Variants in GPR107 observed in about 807,000 individuals in gnomAD.
The protein encoded by GPR107 is G protein-coupled receptor 107, also known as protein GPR107.
In GPR107, 31 loss-of-function variants were observed where a neutral mutation model predicts 75.5. The ratio of observed to expected loss-of-function variants is 0.41; its 90% CI spans 0.31 to 0.55. The LOEUF (loss-of-function observed/expected upper bound fraction) is 0.55. GPR107 is among the 20% of genes least tolerant of loss of function. The pLI, the probability that GPR107 is intolerant of heterozygous loss-of-function variation, is 0.26. For missense variants in GPR107, 572 were observed against 665.7 expected (o/e 0.86, Z 1.55); for synonymous variants, 267 against 251.3 (o/e 1.06, Z -0.59).
At chr9:130,110,392 G>T (rs1032028485) in intron 14 of GPR107, 4 of 1,539,970 alleles carry the variant, frequency 2.6e-6, no homozygotes, top group Non-Finnish European at 3.5e-6. Flanking sequence ...GACCTCTTCA[G>T]CAGAGAGCGA....
chr9:130,075,782 C>CTA, intron 2 of GPR107, 33 bp downstream of exon 2: 9 of 871,770 alleles, frequency 1.0e-5, no homozygotes, highest in Non-Finnish European at 1.6e-5. Context: ...CAGGGGTTTA[C>CTA]TCTTTTTTTT....
At position 130,092,323 on chromosome 9, in the gene GPR107, A is replaced by G. The variant is rs140764313; in HGVS notation, c.805A>G (p.Met269Val). The G allele has an allele frequency of 1.5e-4, 243 of 1,608,708 alleles. No homozygotes were observed. The highest frequency in any genetic ancestry group is 9.0e-4 in the Admixed American group (54 of 59,992). The change falls in exon 9 of 18, where the codon ATG (methionine) becomes GTG (valine). Residue 269 changes from methionine (M) to valine (V), a missense_variant. Transcript: ENST00000347136. Reference sequence around the variant, plus strand: ...TCCTCTCCCCAAATTATACATCTCAATGGCCTTTTTCTTCTTTCTTTCTGG... The same window carrying G: ...TCCTCTCCCCAAATTATACATCTCAGTGGCCTTTTTCTTCTTTCTTTCTGG... The part of the protein sequence containing the change: ...EIPLPKLYIS[M>V]AFFFFLSGTI...
intron 1 of GPR107, among the ~76,000 whole-genome samples, chr9:130,073,155 AT>A (rs1233162124): frequency 6.6e-6 from 1 of 152,178 alleles, no homozygotes; most frequent in African/African-American, 2.4e-5. Context: ...TTACATGAAT[AT>A]GGCTGTGATT....
intron 1 of GPR107, among the ~76,000 whole-genome samples, chr9:130,065,278 C>T (rs1045542726): frequency 2.0e-4 from 31 of 151,382 alleles, no homozygotes; most frequent in Admixed American, 8.6e-4. Context: ...GGTGAAACCC[C>T]GTCTCTACTA....
intron 12 of GPR107, among the ~76,000 whole-genome samples, 185 bp downstream of exon 12, chr9:130,101,408 T>C (rs1394877649): frequency 2.6e-5 from 4 of 152,244 alleles, no homozygotes; most frequent in Non-Finnish European, 5.9e-5. Context: ...TGGGAGATGC[T>C]TGGGCATCAG....
At chr9:130,134,899 A>T in intron 17 of GPR107, 126 bp from the exon 18 acceptor site, 2 of 690,752 alleles carry the variant, frequency 2.9e-6, no homozygotes, top group South Asian at 3.1e-5. Context: ...CAGGAATCAC[A>T]CTTAGATTTT....
intron 14 of GPR107, 129 bp from the exon 15 acceptor site, chr9:130,124,786 T>A: frequency 1.6e-6 from 1 of 618,310 alleles, no homozygotes; most frequent in South Asian, 2.0e-5. Flanking sequence ...TCCAGATAGA[T>A]GGATGTGCCT....
At chr9:130,107,631 C>T in intron 14 of GPR107, 92 bp downstream of exon 14, 1 of 859,708 alleles carries the variant, frequency 1.2e-6, no homozygotes, top group Non-Finnish European at 2.0e-6. Context: ...CCTATGGTGT[C>T]AAGATGCTGT....
intron 1 of GPR107, among the ~76,000 whole-genome samples, chr9:130,072,049 G>A (rs1295325703): frequency 6.6e-6 from 1 of 151,636 alleles, no homozygotes; most frequent in Non-Finnish European, 1.5e-5. Flanking sequence ...CCGGCTCCCT[G>A]CAGCCTCTGC....
chr9:130,082,293 G>A (rs1830510293), intron 5 of GPR107, among the ~76,000 whole-genome samples: 1 of 152,124 alleles, frequency 6.6e-6, no homozygotes, highest in Non-Finnish European at 1.5e-5. Context: ...GCAGTTAAAA[G>A]CCACACAGAA....
intron 14 of GPR107, among the ~76,000 whole-genome samples, chr9:130,113,877 A>C (rs1026983897): frequency 6.6e-6 from 1 of 152,170 alleles, no homozygotes; most frequent in African/African-American, 2.4e-5. Context: ...GCCTACATCT[A>C]TCTGTATGGG....
rs1831650231 is a variant in GPR107 at position 130,125,394 on chromosome 9, T to A, written c.1356+430T>A. Among the ~76,000 whole-genome samples the A allele has an allele frequency of 2.9e-5, 4 of 136,032 alleles. No individual in the cohort carries two copies. The South Asian group carries it at 9.1e-4, about 31-fold the overall frequency. 89.2% of individuals were successfully genotyped at this position (136,032 alleles called of 152,430 possible). A position where few individuals can be genotyped will look rare whatever the true frequency, so the allele number is the denominator to read the frequency against. On this transcript the variant is annotated intron_variant, in intron 15 of 17. Coordinates refer to ENST00000347136, the MANE Select transcript of GPR107 (RefSeq NM_020960.5). ...CTGCGCCTGGCCAGTGTGGCTTGCT[T>A]TTTTGCTTTTTTTTTTTTTTTAAGA...
intron 14 of GPR107, among the ~76,000 whole-genome samples, chr9:130,121,069 C>T (rs1471493727): frequency 4.6e-5 from 7 of 152,130 alleles, no homozygotes; most frequent in East Asian, 1.9e-4. Context: ...CGATGGTGTG[C>T]GCCTGTAGTC....
chr9:130,090,733 A>G (rs917379086), intron 7 of GPR107, 143 bp from the exon 8 acceptor site: 4 of 490,678 alleles, frequency 8.2e-6, no homozygotes, highest in African/African-American at 8.0e-5. Context: ...ATTAATATTC[A>G]TAACTTATTT....
chr9:130,079,224 A>G (rs911757141), intron 4 of GPR107, among the ~76,000 whole-genome samples: 1 of 152,158 alleles, frequency 6.6e-6, no homozygotes, highest in Non-Finnish European at 1.5e-5. Flanking sequence ...CAGCCTCCCA[A>G]AGTGCTGAGA....
intron 5 of GPR107, among the ~76,000 whole-genome samples, chr9:130,081,025 A>G (rs557872484): frequency 9.9e-5 from 15 of 150,958 alleles, no homozygotes; most frequent in African/African-American, 3.4e-4. Context: ...CCTGAGCAAC[A>G]TAGCGAGGCC....
chr9:130,124,575 G>C (rs938537700), intron 14 of GPR107, among the ~76,000 whole-genome samples: 3 of 152,136 alleles, frequency 2.0e-5, no homozygotes, highest in African/African-American at 7.2e-5. Flanking sequence ...CTGGCTCTCT[G>C]GGGGGAAAAA....
chr9:130,100,674 T>C lies in GPR107; in HGVS notation c.985T>C (p.Trp329Arg). 6.2e-7 allele frequency: 1 copy of C among 1,612,966 alleles called. No individual in the cohort carries two copies. Among genetic ancestry groups the C allele is most frequent in the South Asian group, 1.1e-5 (1 of 91,048 alleles). The part of the protein sequence containing the change: ...ISSQGFPIEG[W>R]AVVYYITHLL... ...CTCCCAGGGCTTCCCTATCGAAGGC[T>C]GGGCTGTTGTGTACTACATAACTCA... The change falls in exon 11 of 18, where the codon TGG becomes CGG. Residue 329 changes from tryptophan to arginine, a missense_variant. By Grantham distance (101) the Trp-to-Arg change is moderately radical. Transcript: ENST00000347136.
intron 17 of GPR107, among the ~76,000 whole-genome samples, chr9:130,132,823 A>T (rs1354632619): frequency 1.1e-5 from 1 of 89,298 alleles, no homozygotes; most frequent in Non-Finnish European, 2.7e-5. Context: ...ATATATTTTT[A>T]TATATTTATA....
Sources: gnomAD v4.1 joint callset for allele counts (sites outside exome capture counted in the v4.1 genomes callset) on GRCh38, gnomAD v4.1.1 for gene constraint, MANE v1.5 for transcripts, NCBI Gene and HGNC (gene_info 2026-07-23, HGNC 2026-07-21) for gene names.